The following LIPI variants were observed in gnomAD, a reference collection of about 807,000 sequenced individuals.
The protein encoded by LIPI is lipase I.
Under a neutral mutation model 50.6 loss-of-function variants are expected in LIPI, and 59 were observed. The ratio of observed to expected loss-of-function variants is 1.16; its 90% CI spans 0.94 to 1.45. The LOEUF (loss-of-function observed/expected upper bound fraction) is 1.45. Ranked by LOEUF, LIPI falls within the 40% of genes most tolerant of loss-of-function variation. The pLI is 0.00. For missense variants in LIPI, 586 were observed against 536.3 expected, an observed-to-expected ratio of 1.09 and a Z score of -0.92; for synonymous variants, 203 against 178.2, an observed-to-expected ratio of 1.14 and a Z score of -1.11.
intron 1 of LIPI, among the ~76,000 whole-genome samples, chr21:14,193,858 G>A (rs2019758223): frequency 6.6e-6 from 1 of 152,060 alleles, no homozygotes; most frequent in Non-Finnish European, 1.5e-5. Context: ...CCCACTGAAT[G>A]TGAGAAAATA....
chr21:14,166,800 A>G (rs2018702329), intron 4 of LIPI, among the ~76,000 whole-genome samples: 1 of 152,202 alleles, frequency 6.6e-6, no homozygotes, highest in Non-Finnish European at 1.5e-5. Flanking sequence ...GCAGGTGCAG[A>G]AGGCAGCATT....
At chr21:14,125,357 T>C (rs563791774) in intron 9 of LIPI, among the ~76,000 whole-genome samples, 2 of 152,308 alleles carry the variant, frequency 1.3e-5, no homozygotes, top group African/African-American at 4.8e-5. Context: ...GAAGTTAGAC[T>C]GTAATAAAGT....
At chr21:14,174,445 C>A (rs1279824479) in intron 4 of LIPI, among the ~76,000 whole-genome samples, 1 of 152,136 alleles carries the variant, frequency 6.6e-6, no homozygotes, top group Admixed American at 6.5e-5. Context: ...AGAAATAGCA[C>A]CTGGGAGCTC....
chr21:14,204,342 A>C (rs2020164326), intron 1 of LIPI, among the ~76,000 whole-genome samples: 1 of 151,882 alleles, frequency 6.6e-6, no homozygotes, highest in Non-Finnish European at 1.5e-5. Context: ...AGGAAAAGAA[A>C]ACAGAAAGAA....
chr21:14,172,555 T>C (rs1183315099), intron 4 of LIPI, among the ~76,000 whole-genome samples: 4 of 151,970 alleles, frequency 2.6e-5, no homozygotes, highest in Non-Finnish European at 5.9e-5. Context: ...GATGAGTTCA[T>C]GTCCTTTGTA....
chr21:14,119,450 A>G (rs1379525423), intron 9 of LIPI, among the ~76,000 whole-genome samples: 1 of 152,158 alleles, frequency 6.6e-6, no homozygotes, highest in Non-Finnish European at 1.5e-5. Flanking sequence ...TGGGAGCAAA[A>G]GGAGACTGTC....
At chr21:14,138,374 A>G (rs984667662) in intron 9 of LIPI, among the ~76,000 whole-genome samples, 4 of 152,152 alleles carry the variant, frequency 2.6e-5, no homozygotes, top group Non-Finnish European at 5.9e-5. Flanking sequence ...TCTTCAGTGA[A>G]TAAGTGCTCT....
chr21:14,152,481 T>C, intron 8 of LIPI, 92 bp downstream of exon 8: 1 of 669,182 alleles, frequency 1.5e-6, no homozygotes, highest in Middle Eastern at 3.4e-4. Context: ...GATTAAAAAA[T>C]AAACTACACT....
At chr21:14,168,231 C>A (rs1430818735) in intron 4 of LIPI, among the ~76,000 whole-genome samples, 7 of 152,186 alleles carry the variant, frequency 4.6e-5, no homozygotes, top group Non-Finnish European at 1.0e-4. Context: ...ACCAAATCTA[C>A]ATCTGATTGG....
rs1247575390 is a variant in LIPI, at chr21:14,175,192, A to G, written c.643+6566T>C. ...ATGTGAAGGTACATCTGTTGGTTAC[A>G]TACCTAGGAGTGGAATTGTTATAGA... On this transcript the variant is annotated intron_variant, in intron 4 of 9. Transcript: ENST00000681601. Among the ~76,000 whole-genome samples, 8 of 146,106 alleles carry G rather than the reference A, an allele frequency of 5.5e-5. No homozygotes were observed. The South Asian group carries it at 9.2e-4, about 17-fold the overall frequency.
intron 9 of LIPI, among the ~76,000 whole-genome samples, chr21:14,140,535 GT>G (rs1200606736): frequency 1.3e-5 from 2 of 151,776 alleles, no homozygotes; most frequent in African/African-American, 4.8e-5. Context: ...TTTTCTTTCA[GT>G]TTCCTGTTTT....
At chr21:14,189,526 C>T in intron 1 of LIPI, 107 bp from the exon 2 acceptor site, 1 of 968,884 alleles carries the variant, frequency 1.0e-6, no homozygotes, top group Non-Finnish European at 1.6e-6. Flanking sequence ...GATTTCATTT[C>T]ATGAGCCCTT....
chr21:14,139,708 C>T (rs910899984), intron 9 of LIPI, among the ~76,000 whole-genome samples: 1 of 152,076 alleles, frequency 6.6e-6, no homozygotes, highest in African/African-American at 2.4e-5. Flanking sequence ...AGCTGCTGCT[C>T]ACAATTGTAA....
chr21:14,111,678 A>G (rs560032935), intron 9 of LIPI, among the ~76,000 whole-genome samples: 2 of 152,090 alleles, frequency 1.3e-5, no homozygotes, highest in South Asian at 4.1e-4. Context: ...ACTGATGTCA[A>G]GAAGATGTTC....
chr21:14,185,398 T>A (rs1383928358), intron 3 of LIPI, among the ~76,000 whole-genome samples: 1 of 152,252 alleles, frequency 6.6e-6, no homozygotes, highest in Non-Finnish European at 1.5e-5. Context: ...AGTATGTCCT[T>A]AAAATTTAGC....
At position 14,166,271 on chromosome 21, in the gene LIPI, C is replaced by T. The variant is rs965768093; in HGVS notation, c.733+91G>A. On this transcript the variant is annotated intron_variant, in intron 5 of 9. Coordinates refer to ENST00000681601, the MANE Select transcript of LIPI (RefSeq NM_001302998.2). ...ATGGGCAATGATGATGAAATCAAAA[C>T]ACTGCCTACAGATTAAGAGGGGAAA... The T allele has an allele frequency of 8.6e-6, 7 of 811,116 alleles. No homozygotes were observed. In the East Asian group the frequency reaches 1.2e-4, roughly 14 times the overall value. The allele number at this position is 811,116 out of a possible 1,614,324, so 50.2% of individuals were successfully genotyped here.
intron 8 of LIPI, among the ~76,000 whole-genome samples, chr21:14,148,633 A>T (rs2017986834): frequency 6.6e-6 from 1 of 152,188 alleles, no homozygotes; most frequent in Non-Finnish European, 1.5e-5. Flanking sequence ...CTAGGTTATA[A>T]ACCTATGCTA....
Position 14,203,760 on chromosome 21 carries a change from T to G in LIPI, c.46+7040A>C, listed in dbSNP as rs192394460. The stretch of plus-strand genomic sequence containing the variant: ...CATGATATTTAATGTAACATTAATG[T>G]TAATGGGTGCAGCACACCAACATGG... On this transcript the variant is annotated intron_variant, in intron 1 of 9. Coordinates refer to ENST00000681601, the MANE Select transcript of LIPI (RefSeq NM_001302998.2). 7.2e-5 allele frequency among the ~76,000 whole-genome samples: 11 copies of G among 152,032 alleles called. No homozygotes were observed. The East Asian group carries it at 1.9e-3, about 27-fold the overall frequency.
chr21:14,136,985 A>G (rs2017522747), intron 9 of LIPI, among the ~76,000 whole-genome samples: 2 of 152,154 alleles, frequency 1.3e-5, no homozygotes, highest in African/African-American at 2.4e-5. Flanking sequence ...TGGTACCTCT[A>G]TGAGTCTCCA....
Sources: allele counts gnomAD v4.1 joint callset (sites outside exome capture counted in the v4.1 genomes callset), GRCh38; gene constraint gnomAD v4.1.1; transcripts MANE v1.5; gene names NCBI Gene and HGNC (gene_info 2026-07-23, HGNC 2026-07-21).